The following NEK6 variants were observed in gnomAD, a reference collection of about 807,000 sequenced individuals.
NEK6 encodes serine/threonine-protein kinase Nek6.
In NEK6, 27 loss-of-function variants were observed where a neutral mutation model predicts 43.5. The observed-to-expected ratio is 0.62, with a 90% CI of 0.46 to 0.86. The LOEUF is 0.86. NEK6 is among the 40% of genes least tolerant of loss of function. The pLI, the probability that NEK6 is intolerant of heterozygous loss-of-function variation, is 0.00. For synonymous variants in NEK6, 167 were observed against 164.1 expected (o/e 1.02, Z -0.14); for missense variants, 318 against 414.4 (o/e 0.77, Z 2.02).
intron 9 of NEK6, among the ~76,000 whole-genome samples, chr9:124,349,216 T>C (rs1035186336): frequency 1.3e-5 from 2 of 152,376 alleles, no homozygotes; most frequent in Non-Finnish European, 1.5e-5. Context: ...GGAGGAAGTA[T>C]TTCTCCTCCC....
intron 2 of NEK6, among the ~76,000 whole-genome samples, chr9:124,308,248 G>T (rs1833358055): frequency 2.6e-5 from 4 of 152,206 alleles, no homozygotes; most frequent in Admixed American, 2.0e-4. Context: ...CAGAGCCAGA[G>T]CAGTGGTTAC....
intron 1 of NEK6, among the ~76,000 whole-genome samples, chr9:124,295,287 C>T (rs548846600): frequency 2.0e-5 from 3 of 152,328 alleles, no homozygotes; most frequent in East Asian, 1.9e-4. Context: ...ACACAGGACC[C>T]GGCCGGAAAC....
intron 1 of NEK6, among the ~76,000 whole-genome samples, chr9:124,268,015 A>ATTC (rs1219034003): frequency 4.5e-4 from 68 of 152,344 alleles, no homozygotes; most frequent in African/African-American, 1.5e-3. Flanking sequence ...GGTTTGGAAG[A>ATTC]TGCTGTCTGC....
chr9:124,329,523 C>T (rs1333357881), intron 7 of NEK6, among the ~76,000 whole-genome samples: 1 of 152,230 alleles, frequency 6.6e-6, no homozygotes, highest in African/African-American at 2.4e-5. Context: ...ATAAGCCGGG[C>T]TCTTCCCAAG....
At chr9:124,332,539 A>C (rs776746045) in intron 7 of NEK6, among the ~76,000 whole-genome samples, 24 of 152,300 alleles carry the variant, frequency 1.6e-4, no homozygotes, top group Admixed American at 8.5e-4. Context: ...ACAGCCCCCC[A>C]GCCCAATGTC....
At chr9:124,327,917 G>A (rs1459836169) in intron 7 of NEK6, among the ~76,000 whole-genome samples, 1 of 152,226 alleles carries the variant, frequency 6.6e-6, no homozygotes, top group Non-Finnish European at 1.5e-5. Flanking sequence ...AGGGAGACCA[G>A]ATGCTGTTGG....
At chr9:124,279,883 C>T (rs1356233236) in intron 1 of NEK6, among the ~76,000 whole-genome samples, 1 of 152,246 alleles carries the variant, frequency 6.6e-6, no homozygotes, top group African/African-American at 2.4e-5. Flanking sequence ...GAGGGGAAGG[C>T]CTTCTCTCTC....
chr9:124,260,643 C>T (rs1830994463), intron 1 of NEK6, among the ~76,000 whole-genome samples: 1 of 152,156 alleles, frequency 6.6e-6, no homozygotes, highest in Admixed American at 6.5e-5. Flanking sequence ...TCAGGTGATC[C>T]GCCCGCCTTG....
chr9:124,262,461 A>G (rs1472232126), intron 1 of NEK6, among the ~76,000 whole-genome samples: 1 of 152,238 alleles, frequency 6.6e-6, no homozygotes, highest in African/African-American at 2.4e-5. Context: ...GCTTGTGTGG[A>G]AACAGACCCC....
intron 1 of NEK6, among the ~76,000 whole-genome samples, chr9:124,272,728 CAT>C (rs1443248027): frequency 1.3e-5 from 2 of 152,218 alleles, no homozygotes; most frequent in Non-Finnish European, 2.9e-5. Context: ...GCCCTGGTCA[CAT>C]GTGATCGCAT....
At chr9:124,305,606 T>C (rs551979099) in intron 2 of NEK6, among the ~76,000 whole-genome samples, 2 of 151,944 alleles carry the variant, frequency 1.3e-5, no homozygotes, top group African/African-American at 4.8e-5. Flanking sequence ...CTAACTGCTG[T>C]CAATTCAGCA....
chr9:124,286,974 C>T (rs2119021133), intron 1 of NEK6, among the ~76,000 whole-genome samples: 1 of 152,302 alleles, frequency 6.6e-6, no homozygotes, highest in East Asian at 1.9e-4. Flanking sequence ...CCCTGGCTCA[C>T]CTGGGATCCA....
rs1665423205 is a variant in NEK6 at position 124,258,393 on chromosome 9, C to T, written c.-30+308C>T. ...GCGTGCGGGGACGCGGGCATGGCTC[C>T]CCGCTACCCACTTCCCGAGTGGGGA... is the stretch of plus-strand genomic sequence containing the variant. On this transcript the variant is annotated intron_variant, in intron 1 of 9. Transcript: ENST00000320246. 4.2e-6 allele frequency: 4 copies of T among 962,018 alleles called. 1 individual carries two copies. The South Asian group carries it at 1.9e-4, about 46-fold the overall frequency. The allele number at this position is 962,018 out of a possible 1,614,324, so 59.6% of individuals were successfully genotyped here.
chr9:124,347,396 TC>T, intron 8 of NEK6, among the ~76,000 whole-genome samples: 1 of 152,278 alleles, frequency 6.6e-6, no homozygotes, highest in South Asian at 2.1e-4. Flanking sequence ...GGAGCCTGGG[TC>T]CCCCGGGCTG....
intron 1 of NEK6, among the ~76,000 whole-genome samples, chr9:124,273,227 C>A (rs1831518056): frequency 6.6e-6 from 1 of 152,126 alleles, no homozygotes; most frequent in Non-Finnish European, 1.5e-5. Context: ...CCCCGGGCGG[C>A]CTTATTCCAC....
intron 1 of NEK6, among the ~76,000 whole-genome samples, chr9:124,297,199 G>GGCAAGTCCCTGCC (rs371784276): frequency 5.3e-5 from 8 of 152,336 alleles, no homozygotes; most frequent in African/African-American, 1.9e-4. Context: ...GATGACCCTG[G>GGCAAGTCCCTGCC]GCAAGTCCCT....
At chr9:124,335,890 G>A (rs114810664) in intron 7 of NEK6, among the ~76,000 whole-genome samples, 2,614 of 152,290 alleles carry the variant, frequency 0.017, 77 homozygotes, top group African/African-American at 0.06. Flanking sequence ...TGGGAGGATC[G>A]CTTGAGGCCA....
chr9:124,319,264 G>A (rs968703964), intron 4 of NEK6, among the ~76,000 whole-genome samples: 9 of 151,618 alleles, frequency 5.9e-5, no homozygotes, highest in East Asian at 1.9e-4. Context: ...GATTACAGGC[G>A]TGAGCCACCA....
At chr9:124,350,004 G>GC (rs747626769) in intron 9 of NEK6, among the ~76,000 whole-genome samples, 1 of 152,200 alleles carries the variant, frequency 6.6e-6, no homozygotes, top group African/African-American at 2.4e-5. Context: ...CGCAGCAGTA[G>GC]CCCCCGGGCC....
Sources: allele counts gnomAD v4.1 joint callset (sites outside exome capture counted in the v4.1 genomes callset), GRCh38; gene constraint gnomAD v4.1.1; transcripts MANE v1.5; gene names NCBI Gene and HGNC (gene_info 2026-07-23, HGNC 2026-07-21).